MET: variants seen among roughly 807,000 people sequenced by gnomAD.
MET encodes the protein MET proto-oncogene, receptor tyrosine kinase, also known as hepatocyte growth factor receptor.
MET carries 48 observed loss-of-function variants against 133.1 expected under a neutral mutation model. The observed-to-expected ratio is 0.36, with a 90% confidence interval of 0.29 to 0.46. The LOEUF (loss-of-function observed/expected upper bound fraction) is 0.46. Among genes scored for constraint, MET ranks in the 20% least tolerant of loss-of-function variants. MET has a pLI of 1.00. For synonymous variants in MET, 628 were observed against 616.5 expected (o/e 1.02, Z -0.28); for missense variants, 1,442 against 1,695.9 (o/e 0.85, Z 2.63).
intron 5 of MET, among the ~76,000 whole-genome samples, chr7:116,750,182 TACTACAAGGTTGCAGTAACCAAA>T (rs1793861163): frequency 1.3e-5 from 2 of 151,968 alleles, no homozygotes; most frequent in Admixed American, 6.6e-5. Context: ...CTTCAAACTA[TACTACAAGGTTGCAGTAACCAAA>T]ACAGCATGGT....
intron 2 of MET, among the ~76,000 whole-genome samples, chr7:116,716,415 AAG>A (rs1478616291): frequency 4.1e-5 from 6 of 147,834 alleles, no homozygotes; most frequent in Admixed American, 2.7e-4. Flanking sequence ...GAAAGAAAGA[AAG>A]AGTAAGGAAG....
At chr7:116,777,494 G>A (rs368325045) in intron 16 of MET, 25 bp downstream of exon 16, 19 of 1,604,918 alleles carry the variant, frequency 1.2e-5, no homozygotes, top group Non-Finnish European at 1.5e-5. Flanking sequence ...ATTTAACCAT[G>A]GAGTATACTT....
At chr7:116,746,626 T>C (rs915692777) in intron 5 of MET, among the ~76,000 whole-genome samples, 38 of 152,314 alleles carry the variant, frequency 2.5e-4, no homozygotes, top group African/African-American at 7.5e-4. Flanking sequence ...TCATGTCCTT[T>C]GTAGGGACAT....
intron 2 of MET, among the ~76,000 whole-genome samples, chr7:116,715,243 C>T (rs1236869672): frequency 6.6e-6 from 1 of 152,228 alleles, no homozygotes; most frequent in Admixed American, 6.5e-5. Context: ...AATTTATCCT[C>T]ACATGGTTCT....
At chr7:116,756,249 T>A (rs1032101638) in intron 6 of MET, among the ~76,000 whole-genome samples, 1 of 152,218 alleles carries the variant, frequency 6.6e-6, no homozygotes. Context: ...CTACAAGCTT[T>A]GAATTCCATA....
chr7:116,684,779 T>C (rs1017901909), intron 1 of MET, among the ~76,000 whole-genome samples: 1 of 152,076 alleles, frequency 6.6e-6, no homozygotes, highest in Non-Finnish European at 1.5e-5. Flanking sequence ...AAAAATGGTA[T>C]GTGGTTTGTA....
chr7:116,744,135 C>G (rs111654103), intron 5 of MET, among the ~76,000 whole-genome samples: 1 of 152,054 alleles, frequency 6.6e-6, no homozygotes, highest in Admixed American at 6.5e-5. Flanking sequence ...TCTTCTCCTC[C>G]AAAGGATCAC....
chr7:116,763,392 T>G, intron 11 of MET, 124 bp downstream of exon 11: 2 of 854,786 alleles, frequency 2.3e-6, no homozygotes, highest in Non-Finnish European at 3.8e-6. Flanking sequence ...ATATATAAAC[T>G]CTGAAAAACA....
At chr7:116,770,214 A>G (rs1290357124) in intron 12 of MET, among the ~76,000 whole-genome samples, 1 of 152,198 alleles carries the variant, frequency 6.6e-6, no homozygotes, top group Non-Finnish European at 1.5e-5. Context: ...AGTAAAATAA[A>G]GATTAAACTA....
intron 2 of MET, among the ~76,000 whole-genome samples, chr7:116,718,668 G>A (rs1393007534): frequency 8.4e-6 from 1 of 119,106 alleles, no homozygotes; most frequent in East Asian, 2.5e-4. Flanking sequence ...ACAGTCCCCA[G>A]AGTGTGATAT....
chr7:116,703,793 T>C (rs1013511279), intron 2 of MET, among the ~76,000 whole-genome samples: 6 of 152,140 alleles, frequency 3.9e-5, no homozygotes, highest in Admixed American at 6.6e-5. Flanking sequence ...AAAGATCCTG[T>C]TCCCTAAGTT....
chr7:116,719,442 C>G (rs1201200555), intron 2 of MET, among the ~76,000 whole-genome samples: 1 of 152,172 alleles, frequency 6.6e-6, no homozygotes, highest in African/African-American at 2.4e-5. Flanking sequence ...TGTAGGTTGC[C>G]TATTCACTCT....
chr7:116,763,291 T>C, intron 11 of MET, 23 bp downstream of exon 11: 1 of 1,591,212 alleles, frequency 6.3e-7, no homozygotes, highest in South Asian at 1.1e-5. Flanking sequence ...TTAAACACTG[T>C]CTTAAATCAT....
intron 2 of MET, among the ~76,000 whole-genome samples, chr7:116,716,536 A>AGAAG (rs1792246445): frequency 7.0e-6 from 1 of 143,038 alleles, no homozygotes; most frequent in Non-Finnish European, 1.5e-5. Flanking sequence ...AAAGAAAGAA[A>AGAAG]GAAGATATGA....
intron 1 of MET, among the ~76,000 whole-genome samples, chr7:116,685,685 C>CA (rs1001140887): frequency 1.2e-4 from 18 of 151,668 alleles, no homozygotes; most frequent in Admixed American, 1.1e-3. Flanking sequence ...GACTCCATGT[C>CA]AAAAAAATAA....
intron 19 of MET, among the ~76,000 whole-genome samples, chr7:116,784,713 A>G (rs1359826498): frequency 6.6e-6 from 1 of 152,180 alleles, no homozygotes; most frequent in Admixed American, 6.5e-5. Context: ...GTGGGAACAC[A>G]GAGTCAAACC....
At chr7:116,786,340 G>A (rs149118541) in intron 19 of MET, among the ~76,000 whole-genome samples, 597 of 152,250 alleles carry the variant, frequency 3.9e-3, no homozygotes, top group Non-Finnish European at 6.2e-3. Flanking sequence ...ATGAATTTCC[G>A]GGGAACACAA....
In MET at chr7:116,780,520, TG is replaced by T. The variant is rs143423869; in HGVS notation, c.3523-1466del. 6.9e-3 allele frequency among the ~76,000 whole-genome samples: 1,045 copies of T among 152,292 alleles called. 13 individuals are homozygous for T. The highest frequency in any genetic ancestry group is 0.024 in the African/African-American group (994 of 41,564). On this transcript the variant is annotated intron_variant, in intron 17 of 20. Transcript: ENST00000397752. ...TTGTTATTACCCTGATGGATTAATG[TG>T]GCTGGAGGTGCTACCTTCTCTAGGG...
chr7:116,702,666 A>G (rs895838237), intron 2 of MET, among the ~76,000 whole-genome samples: 2 of 152,196 alleles, frequency 1.3e-5, no homozygotes, highest in Non-Finnish European at 2.9e-5. Context: ...TGGTGAAAAG[A>G]CACACATATT....
Sources: gnomAD v4.1 joint callset for allele counts (sites outside exome capture counted in the v4.1 genomes callset) on GRCh38, gnomAD v4.1.1 for gene constraint, MANE v1.5 for transcripts, NCBI Gene and HGNC (gene_info 2026-07-23, HGNC 2026-07-21) for gene names.